Variants in ST18 observed in about 807,000 individuals in gnomAD.
ST18 encodes the protein ST18 C2H2C-type zinc finger transcription factor.
Under a neutral mutation model 110.0 loss-of-function variants are expected in ST18, and 50 were observed. The ratio of observed to expected loss-of-function variants is 0.45; its 90% CI spans 0.36 to 0.58. The LOEUF (loss-of-function observed/expected upper bound fraction) is 0.58. Ranked by LOEUF, ST18 falls within the 20% of genes least tolerant of loss-of-function variation. The pLI is 0.00. For missense variants in ST18, 1,306 were observed against 1,280.1 expected, an observed-to-expected ratio of 1.02 and a Z score of -0.31; for synonymous variants, 461 against 452.4, an observed-to-expected ratio of 1.02 and a Z score of -0.24.
rs533519314 is a variant in ST18 at position 52,343,611 on chromosome 8, C to T, written c.-465+65717G>A. 7.2e-5 allele frequency among the ~76,000 whole-genome samples: 11 copies of T among 152,270 alleles called. No individual in the cohort carries two copies. In the South Asian group the frequency reaches 2.3e-3, roughly 32 times the overall value. ...CCATAAAGGACAGAGCAGCTATGAC[C>T]TTTCACACAGAGAGTCACTTGTAAG... On this transcript the variant is annotated intron_variant, in intron 2 of 25. Transcript: ENST00000689386.
At chr8:52,263,242 C>T (rs2094754086) in intron 2 of ST18, among the ~76,000 whole-genome samples, 1 of 152,182 alleles carries the variant, frequency 6.6e-6, no homozygotes, top group South Asian at 2.1e-4. Flanking sequence ...TCCTGGGCTC[C>T]TCCATCTAAA....
intron 9 of ST18, among the ~76,000 whole-genome samples, chr8:52,175,080 C>A (rs138550778): frequency 4.3e-4 from 66 of 152,212 alleles, no homozygotes; most frequent in African/African-American, 1.4e-3. Context: ...CTGATCCTGG[C>A]GGCCTCTCTT....
chr8:52,141,912 T>C (rs942010523), intron 17 of ST18, among the ~76,000 whole-genome samples: 3 of 151,680 alleles, frequency 2.0e-5, no homozygotes, highest in African/African-American at 4.8e-5. Context: ...GAAGAAAGGG[T>C]CCCAGGACGG....
At chr8:52,225,051 G>A (rs187503641) in intron 3 of ST18, among the ~76,000 whole-genome samples, 31 of 152,220 alleles carry the variant, frequency 2.0e-4, no homozygotes, top group Admixed American at 1.4e-3. Flanking sequence ...AATAACTTCC[G>A]GTTTTCACTG....
intron 10 of ST18, among the ~76,000 whole-genome samples, chr8:52,169,139 C>A (rs2063949832): frequency 6.6e-6 from 1 of 152,106 alleles, no homozygotes; most frequent in Non-Finnish European, 1.5e-5. Context: ...GTCTGTAAGT[C>A]CCTCCTCTGC....
At chr8:52,150,486 G>A (rs2058543859) in intron 15 of ST18, among the ~76,000 whole-genome samples, 1 of 152,164 alleles carries the variant, frequency 6.6e-6, no homozygotes, top group Non-Finnish European at 1.5e-5. Context: ...CCCACTGGAA[G>A]AGAATTTTTA....
intron 2 of ST18, among the ~76,000 whole-genome samples, chr8:52,390,198 G>A (rs1051711557): frequency 6.6e-6 from 1 of 152,078 alleles, no homozygotes; most frequent in Non-Finnish European, 1.5e-5. Flanking sequence ...CAATGTCTTC[G>A]GGCTGACACA....
chr8:52,152,401 T>C (rs1298771701), intron 15 of ST18, among the ~76,000 whole-genome samples: 3 of 152,296 alleles, frequency 2.0e-5, no homozygotes, highest in African/African-American at 7.2e-5. Context: ...ACCCCCTCAA[T>C]CTTCTAATAT....
chr8:52,208,816 AAAATAAATAAAT>A lies in ST18; in HGVS notation c.86+3251_86+3262del, dbSNP rs74780314. On this transcript the variant is annotated intron_variant, in intron 8 of 25. Transcript: ENST00000689386. ...CTGGGCGACACAGTGAGGCTTCGCC[AAAATAAATAAAT>A]AAATAAATAAATAAATAGATAAATA... Among the ~76,000 whole-genome samples, 5 of 151,334 alleles carry A rather than the reference AAAATAAATAAAT, an allele frequency of 3.3e-5. No individual in the cohort carries two copies. The East Asian group carries it at 7.8e-4, about 23-fold the overall frequency.
intron 4 of ST18, among the ~76,000 whole-genome samples, chr8:52,221,262 C>T (rs144599822): frequency 1.2e-3 from 184 of 152,264 alleles, no homozygotes; most frequent in Middle Eastern, 6.8e-3. Context: ...TTGGAATGTA[C>T]TATACTCAAG....
chr8:52,146,137 G>A (rs1325709800), intron 16 of ST18, among the ~76,000 whole-genome samples: 1 of 152,044 alleles, frequency 6.6e-6, no homozygotes, highest in East Asian at 1.9e-4. Context: ...GTGGGAGCAG[G>A]GACATAACCA....
At position 52,244,813 on chromosome 8, in the gene ST18, C is replaced by T. The variant is rs565343282; in HGVS notation, c.-464-14736G>A. Among the ~76,000 whole-genome samples, 12 of 152,206 alleles carry T rather than the reference C, an allele frequency of 7.9e-5. No homozygotes were observed. The East Asian group carries it at 1.2e-3, about 15-fold the overall frequency. Reference sequence around the variant, plus strand: ...ATTATAATTATATGCATCAATAAAACGAATAATCTTTACAAAATTTGAATT... The same window carrying T: ...ATTATAATTATATGCATCAATAAAATGAATAATCTTTACAAAATTTGAATT... On this transcript the variant is annotated intron_variant, in intron 2 of 25. Transcript: ENST00000689386.
chr8:52,173,644 G>C (rs1324994416), intron 9 of ST18, among the ~76,000 whole-genome samples: 1 of 152,078 alleles, frequency 6.6e-6, no homozygotes, highest in Non-Finnish European at 1.5e-5. Context: ...GGTGTGCCCA[G>C]CTCACACCAG....
At chr8:52,239,609 C>G (rs2093166565) in intron 2 of ST18, among the ~76,000 whole-genome samples, 1 of 151,472 alleles carries the variant, frequency 6.6e-6, no homozygotes, top group South Asian at 2.1e-4. Context: ...AGAAAAATAC[C>G]AAAAAAACAA....
At chr8:52,404,562 T>A (rs545522882) in intron 2 of ST18, 2 of 152,232 alleles carry the variant, frequency 1.3e-5, no homozygotes, top group Non-Finnish European at 2.9e-5. Context: ...CACCCAGCAC[T>A]GTTTTCGGGA....
chr8:52,122,734 T>G (rs2045460723), intron 23 of ST18, among the ~76,000 whole-genome samples: 1 of 152,034 alleles, frequency 6.6e-6, no homozygotes, highest in South Asian at 2.1e-4. Flanking sequence ...TGATCCACCC[T>G]TCTCGGCCTC....
chr8:52,158,019 C>A (rs113159481), intron 15 of ST18, among the ~76,000 whole-genome samples: 14 of 152,338 alleles, frequency 9.2e-5, no homozygotes, highest in African/African-American at 3.1e-4. Flanking sequence ...GTAGGGAAAT[C>A]ATTTCTTTGA....
intron 10 of ST18, chr8:52,171,585 A>G (rs985948781): frequency 2.9e-6 from 2 of 690,002 alleles, no homozygotes; most frequent in Non-Finnish European, 2.6e-6. Context: ...TCATGTGTGA[A>G]AATAGTCCAA....
intron 2 of ST18, among the ~76,000 whole-genome samples, chr8:52,255,849 G>A (rs1338247580): frequency 6.6e-6 from 1 of 152,204 alleles, no homozygotes. Context: ...CGAGGAACGT[G>A]AGAGAAAAGA....
Sources: allele counts gnomAD v4.1 joint callset (sites outside exome capture counted in the v4.1 genomes callset), GRCh38; gene constraint gnomAD v4.1.1; transcripts MANE v1.5; gene names NCBI Gene and HGNC (gene_info 2026-07-23, HGNC 2026-07-21).